Variants in PRKN observed in about 807,000 individuals in gnomAD.
The protein encoded by PRKN is E3 ubiquitin-protein ligase parkin.
In PRKN, 56 loss-of-function variants were observed where a neutral mutation model predicts 59.5. The observed-to-expected ratio is 0.94, with a 90% CI of 0.76 to 1.18. The LOEUF is 1.18. PRKN is among the 50% of genes most tolerant of loss of function. The probability of loss-of-function intolerance (pLI) is 0.00; values close to 1 mark genes in which losing one functional copy is unlikely to be tolerated. For missense variants in PRKN, 657 were observed against 596.4 expected (o/e 1.10, Z -1.06); for synonymous variants, 250 against 222.1 (o/e 1.13, Z -1.12).
intron 5 of PRKN, among the ~76,000 whole-genome samples, chr6:161,981,593 A>C (rs1175220043): frequency 6.6e-6 from 1 of 152,148 alleles, no homozygotes; most frequent in Non-Finnish European, 1.5e-5. Context: ...TACCTAATAC[A>C]TAAAAAAAGC....
At chr6:162,719,279 C>G (rs1478725556) in intron 1 of PRKN, among the ~76,000 whole-genome samples, 1 of 152,106 alleles carries the variant, frequency 6.6e-6, no homozygotes, top group Non-Finnish European at 1.5e-5. Flanking sequence ...CTACATTTGT[C>G]TGTGGTCAGG....
intron 2 of PRKN, among the ~76,000 whole-genome samples, chr6:162,430,639 GCTCT>G (rs1167604728): frequency 6.6e-6 from 1 of 151,718 alleles, no homozygotes; most frequent in East Asian, 1.9e-4. Flanking sequence ...GGACTGTATG[GCTCT>G]CTAAGTCATA....
intron 9 of PRKN, among the ~76,000 whole-genome samples, chr6:161,424,598 G>A (rs1444771016): frequency 1.3e-5 from 2 of 152,064 alleles, no homozygotes; most frequent in Non-Finnish European, 1.5e-5. Flanking sequence ...CAGGGCATTG[G>A]GGCCACCTTG....
At position 161,562,973 on chromosome 6, in the gene PRKN, T is replaced by C. The variant is rs1254377052; in HGVS notation, c.933+6382A>G. ...CTTGGTCCAGGTGGCCTTCATCTTTTGGCACTGTCCTTCCTGCTCAGTATT... is the reference window on the plus strand; with the variant it reads ...CTTGGTCCAGGTGGCCTTCATCTTTCGGCACTGTCCTTCCTGCTCAGTATT... On this transcript the variant is annotated intron_variant, in intron 8 of 11. Transcript: ENST00000366898. This position sits in a 1 kb window ranked among gnomAD's most constrained non-coding sequence, Gnocchi z 4.3. Among the ~76,000 whole-genome samples, 2 of 152,294 alleles carry C rather than the reference T, an allele frequency of 1.3e-5. No homozygotes were observed. Among genetic ancestry groups the C allele is most frequent in the East Asian group, 3.9e-4 (2 of 5,166 alleles).
intron 7 of PRKN, among the ~76,000 whole-genome samples, chr6:161,655,048 C>A (rs1335485027): frequency 6.6e-6 from 1 of 152,232 alleles, no homozygotes; most frequent in Admixed American, 6.5e-5. Context: ...TCCCTCATCA[C>A]CACCAAGGTG....
At chr6:162,363,706 A>G (rs1249965406) in intron 2 of PRKN, among the ~76,000 whole-genome samples, 2 of 152,198 alleles carry the variant, frequency 1.3e-5, no homozygotes, top group Admixed American at 1.3e-4. Context: ...CGTTAACAGG[A>G]TTATATGCTA....
chr6:162,243,451 A>C (rs1779072322), intron 3 of PRKN, among the ~76,000 whole-genome samples: 1 of 152,258 alleles, frequency 6.6e-6, no homozygotes, highest in South Asian at 2.1e-4. Flanking sequence ...TCAAGTATAA[A>C]CGTATTAAAA....
At chr6:161,695,849 A>G (rs912735174) in intron 7 of PRKN, among the ~76,000 whole-genome samples, 4 of 152,216 alleles carry the variant, frequency 2.6e-5, no homozygotes, top group Non-Finnish European at 1.5e-5. Context: ...TCCATAAAAT[A>G]GAAAATAGGA....
intron 5 of PRKN, among the ~76,000 whole-genome samples, chr6:161,977,541 GGTTT>G (rs1781084284): frequency 4.1e-5 from 4 of 98,722 alleles, no homozygotes; most frequent in Middle Eastern, 6.0e-3. Flanking sequence ...CTGTTTTTTT[GGTTT>G]TTTTTTTTTT....
intron 6 of PRKN, among the ~76,000 whole-genome samples, chr6:161,838,922 C>T (rs1018593908): frequency 6.6e-6 from 1 of 152,160 alleles, no homozygotes; most frequent in Admixed American, 6.5e-5. Context: ...GAGTCCCATT[C>T]GACCCTGCAA....
chr6:162,444,775 T>C (rs1790229187), intron 1 of PRKN, among the ~76,000 whole-genome samples: 1 of 152,140 alleles, frequency 6.6e-6, no homozygotes, highest in African/African-American at 2.4e-5. Flanking sequence ...GGAAGACCTA[T>C]GAAAAATCCC....
Position 161,468,741 on chromosome 6 carries a change from G to C in PRKN, c.1083+80113C>G, listed in dbSNP as rs541980483. Among the ~76,000 whole-genome samples, 4 of 152,228 alleles carry C rather than the reference G, an allele frequency of 2.6e-5. No individual in the cohort carries two copies. In the East Asian group the frequency reaches 7.7e-4, roughly 29 times the overall value. ...GGGAGGATCCAGCCTCAGAGGACTT[G>C]GGTATGTTCTTCTCAAGGACAGGAA... is the stretch of plus-strand genomic sequence containing the variant. On this transcript the variant is annotated intron_variant, in intron 9 of 11. Transcript: ENST00000366898. This position sits in a 1 kb window ranked among gnomAD's most constrained non-coding sequence, Gnocchi z 5.9.
Position 161,352,834 on chromosome 6 carries a change from A to T in PRKN, c.1286-2623T>A, listed in dbSNP as rs1784615962. On this transcript the variant is annotated intron_variant, in intron 11 of 11. Transcript: ENST00000366898. This position sits in a 1 kb window ranked among gnomAD's most constrained non-coding sequence, Gnocchi z 5.8. ...CTCGCTCTGTCGCCCAGGCTGGAGT[A>T]CAGGGCGCGATCTGGGCTCACTGCC... Among the ~76,000 whole-genome samples the T allele has an allele frequency of 6.6e-6, 1 of 151,122 alleles. No homozygotes were observed. The highest frequency in any genetic ancestry group is 2.1e-4 in the South Asian group (1 of 4,764).
At chr6:161,829,190 C>T (rs1430929414) in intron 6 of PRKN, among the ~76,000 whole-genome samples, 6 of 152,164 alleles carry the variant, frequency 3.9e-5, no homozygotes, top group African/African-American at 1.4e-4. Context: ...CACACGATTG[C>T]ACTCCAGTCT....
intron 6 of PRKN, among the ~76,000 whole-genome samples, chr6:161,788,915 C>G (rs1453754843): frequency 1.3e-5 from 2 of 152,096 alleles, no homozygotes; most frequent in African/African-American, 4.8e-5. Context: ...ATGATAGATA[C>G]AGATATCAAT....
chr6:162,183,048 G>C (rs1783867487), intron 4 of PRKN, among the ~76,000 whole-genome samples: 1 of 151,924 alleles, frequency 6.6e-6, no homozygotes, highest in South Asian at 2.1e-4. Context: ...AAGGATACTT[G>C]GTTAATGTAT....
In PRKN at chr6:162,262,708, C is replaced by A. The variant is rs1779944769; in HGVS notation, c.229G>T (p.Gly77Cys). 3 of 1,612,170 alleles carry A rather than the reference C, an allele frequency of 1.9e-6. No homozygotes were observed. The highest frequency in any genetic ancestry group is 2.2e-5 in the East Asian group (1 of 44,834). Reference sequence around the variant, plus strand: ...CCTCCAGTTGCATTCATTTCTTGACCTTTTCTCCACGGTCTCTGCACAATG... The same window carrying A: ...CCTCCAGTTGCATTCATTTCTTGACATTTTCTCCACGGTCTCTGCACAATG... Reference protein sequence around the residue: ...VHIVQRPWRKGQEMNATGGDD... With the variant: ...VHIVQRPWRKCQEMNATGGDD... The change falls in exon 3 of 12, where the codon GGT (glycine) becomes TGT (cysteine). Residue 77 changes from glycine (G) to cysteine (C), a missense_variant. By Grantham distance (159) the Gly-to-Cys change is radical. Transcript: ENST00000366898.
chr6:162,693,266 T>G (rs1777845478), intron 1 of PRKN, among the ~76,000 whole-genome samples: 1 of 152,170 alleles, frequency 6.6e-6, no homozygotes. Flanking sequence ...TTCTAACCTA[T>G]CTTGTCCCAT....
chr6:161,627,409 G>A (rs1783129703), intron 7 of PRKN, among the ~76,000 whole-genome samples: 1 of 152,212 alleles, frequency 6.6e-6, no homozygotes, highest in South Asian at 2.1e-4. Context: ...ACTGTGTCAT[G>A]TGATGTACAG....
Sources: allele counts gnomAD v4.1 joint callset (sites outside exome capture counted in the v4.1 genomes callset), GRCh38; gene constraint gnomAD v4.1.1; non-coding constraint Gnocchi (gnomAD v3.1); transcripts MANE v1.5; gene names NCBI Gene and HGNC (gene_info 2026-07-23, HGNC 2026-07-21).